The following DNAH11 variants were observed in gnomAD, a reference collection of about 807,000 sequenced individuals.
The protein encoded by DNAH11 is dynein axonemal heavy chain 11.
In DNAH11, 442 loss-of-function variants were observed where a neutral mutation model predicts 526.0. The observed-to-expected ratio is 0.84, with a 90% confidence interval of 0.78 to 0.91. The LOEUF is 0.91. DNAH11 is among the 40% of genes least tolerant of loss of function. The pLI, the probability that DNAH11 is intolerant of heterozygous loss-of-function variation, is 0.00. For synonymous variants in DNAH11, 2,461 were observed against 1,935.9 expected (o/e 1.27, Z -7.12); for missense variants, 6,989 against 5,448.7 (o/e 1.28, Z -8.90).
intron 54 of DNAH11, 119 bp downstream of exon 54, chr7:21,750,483 T>G (rs971006043): frequency 7.3e-7 from 1 of 1,366,176 alleles, no homozygotes; most frequent in Non-Finnish European, 1.0e-6. Context: ...AAAGGACGTG[T>G]GCATTTTTAC....
intron 63 of DNAH11, among the ~76,000 whole-genome samples, chr7:21,815,748 T>C (rs371863082): frequency 9.0e-4 from 137 of 152,338 alleles, no homozygotes; most frequent in African/African-American, 3.2e-3. Flanking sequence ...AGTGAACATA[T>C]ACATTCTTTA....
intron 9 of DNAH11, among the ~76,000 whole-genome samples, chr7:21,585,624 G>A (rs1016259674): frequency 6.6e-6 from 1 of 152,168 alleles, no homozygotes. Context: ...AAATTTACAT[G>A]AAGGTAAACC....
At chr7:21,819,092 C>G (rs1002329542) in intron 65 of DNAH11, among the ~76,000 whole-genome samples, 2 of 152,152 alleles carry the variant, frequency 1.3e-5, no homozygotes, top group Non-Finnish European at 2.9e-5. Context: ...AACTGGCACT[C>G]AAGAGACTCC....
At chr7:21,765,394 C>T (rs781424760) in intron 54 of DNAH11, 34 bp from the exon 55 acceptor site, 13 of 1,612,676 alleles carry the variant, frequency 8.1e-6, no homozygotes, top group South Asian at 2.2e-5. Context: ...ATTCATCACC[C>T]GCCTGTTTCT....
At chr7:21,627,255 G>T (rs139046130) in intron 25 of DNAH11, among the ~76,000 whole-genome samples, 2 of 152,076 alleles carry the variant, frequency 1.3e-5, no homozygotes, top group Admixed American at 1.3e-4. Flanking sequence ...TTCTATTGCT[G>T]TGCAGAAGCA....
At chr7:21,671,322 C>T (rs141474235) in intron 30 of DNAH11, among the ~76,000 whole-genome samples, 3 of 152,300 alleles carry the variant, frequency 2.0e-5, no homozygotes, top group East Asian at 1.9e-4. Flanking sequence ...TTTCACATCA[C>T]GATGGCAGAG....
chr7:21,734,810 A>G lies in DNAH11; in HGVS notation c.7441-830A>G, dbSNP rs143375505. 7.9e-5 allele frequency among the ~76,000 whole-genome samples: 12 copies of G among 152,114 alleles called. No homozygotes were observed. The East Asian group carries it at 2.1e-3, about 27-fold the overall frequency. ...GAAGTCAAGGCTGCAGTTAGCCATCATCACGCCACTGCACTCCAGCCTGGG... is the reference window on the plus strand; with the variant it reads ...GAAGTCAAGGCTGCAGTTAGCCATCGTCACGCCACTGCACTCCAGCCTGGG... On this transcript the variant is annotated intron_variant, in intron 45 of 81. Transcript: ENST00000409508.
At position 21,606,509 on chromosome 7, in the gene DNAH11, C is replaced by T. The variant is rs1018800661; in HGVS notation, c.3732C>T (p.Val1244=). 3.1e-6 allele frequency: 5 copies of T among 1,610,900 alleles called. No individual in the cohort carries two copies. In the Admixed American group the frequency reaches 8.4e-5, roughly 27 times the overall value. Residue 1244 remains valine, a synonymous_variant, in exon 19 of 82, where the codon GTC becomes GTT. Transcript: ENST00000409508. ...HEVSPLHNAE[V]TLIRKKCILF... is the part of the protein sequence containing the mutation. ...TCTCACCTCTCCATAATGCGGAAGTCACTCTTATAAGGAAAAAATGTATTT... is the reference window on the plus strand; with the variant it reads ...TCTCACCTCTCCATAATGCGGAAGTTACTCTTATAAGGAAAAAATGTATTT...
rs769712831 is a variant in DNAH11 at position 21,564,384 on chromosome 7, T to C, written c.1181T>C (p.Leu394Pro). The C allele has an allele frequency of 1.2e-6, 2 of 1,612,020 alleles. No individual in the cohort carries two copies. Among genetic ancestry groups the C allele is most frequent in the South Asian group, 2.2e-5 (2 of 90,950 alleles). ...VIVLLQEFCN[L>P]FINQATAYLS... ...GTTTTATTGCAAGAGTTTTGTAATC[T>C]CTTCATTAACCAGGTATGAAGCATC... Residue 394 changes from leucine (L) to proline (P), a missense_variant, in exon 6 of 82, where the codon CTC (leucine) becomes CCC (proline). Physicochemically the swap from Leu to Pro is moderately conservative, Grantham distance 98. Transcript: ENST00000409508.
At chr7:21,644,786 T>A (rs912945763) in intron 28 of DNAH11, among the ~76,000 whole-genome samples, 10 of 152,214 alleles carry the variant, frequency 6.6e-5, no homozygotes, top group Admixed American at 6.5e-4. Context: ...TGTAATATTT[T>A]AAATGGATAC....
Position 21,842,634 on chromosome 7 carries a change from G to A in DNAH11, c.10782G>A (p.Pro3594=), listed in dbSNP as rs72657400. 1.0e-3 allele frequency: 1,611 copies of A among 1,613,890 alleles called. No homozygotes were observed. The highest frequency in any genetic ancestry group is 5.4e-3 in the African/African-American group (405 of 75,032). ...AATTGGCAAATCCTCACTATAAGCC[G>A]GAATTACAAGCTCAGACAACTCTCC... ...HTKLANPHYK[P]ELQAQTTLLN... Residue 3594 remains proline, a synonymous_variant, in exon 66 of 82, where the codon CCG becomes CCA. Coordinates refer to ENST00000409508, the MANE Select transcript of DNAH11 (RefSeq NM_001277115.2).
chr7:21,595,260 AG>A (rs1426333841), intron 14 of DNAH11, among the ~76,000 whole-genome samples: 2 of 152,176 alleles, frequency 1.3e-5, no homozygotes, highest in Non-Finnish European at 2.9e-5. Flanking sequence ...TCATTCATGA[AG>A]GCTCTGCCCT....
chr7:21,550,039 C>A (rs1162434054), intron 2 of DNAH11, among the ~76,000 whole-genome samples: 2 of 152,180 alleles, frequency 1.3e-5, no homozygotes, highest in African/African-American at 4.8e-5. Context: ...TATTAACTTC[C>A]AAAATGGAGC....
rs1018032062 is a variant in DNAH11 at position 21,619,366 on chromosome 7, G to A, written c.4377+144G>A. ...GTTCCCTGCTGTTCATTAGGTGTGG[G>A]ATGAGCAGGAACTAGAATCATTCTA... On this transcript the variant is annotated intron_variant, in intron 24 of 81. Coordinates refer to ENST00000409508, the MANE Select transcript of DNAH11 (RefSeq NM_001277115.2). 3 of 895,856 alleles carry A rather than the reference G, an allele frequency of 3.3e-6. No individual in the cohort carries two copies. In the African/African-American group the frequency reaches 5.1e-5, roughly 15 times the overall value. The allele number at this position is 895,856 out of a possible 1,614,324, so 55.5% of individuals were successfully genotyped here.
Position 21,599,873 on chromosome 7 carries a change from C to G in DNAH11, c.2754C>G (p.Gly918=). The G allele has an allele frequency of 2.5e-6, 4 of 1,610,794 alleles. No individual in the cohort carries two copies. The highest frequency in any genetic ancestry group is 3.4e-6 in the Non-Finnish European group (4 of 1,177,848). Residue 918 remains glycine, a synonymous_variant, in exon 15 of 82, where the codon GGC becomes GGG. Coordinates refer to ENST00000409508, the MANE Select transcript of DNAH11 (RefSeq NM_001277115.2). Reference sequence around the variant, plus strand: ...TCATTGACGACATTGTGGTGGAAGGCTTTTTTCAGGCTATAATGCACGACT... The same window carrying G: ...TCATTGACGACATTGTGGTGGAAGGGTTTTTTCAGGCTATAATGCACGACT... ...VEFIDDIVVE[G]FFQAIMHDLD...
intron 30 of DNAH11, among the ~76,000 whole-genome samples, chr7:21,669,900 T>G (rs754324157): frequency 5.3e-5 from 8 of 152,142 alleles, no homozygotes; most frequent in Non-Finnish European, 2.9e-5. Context: ...TTTTTCTGCC[T>G]TCATGCCAAA....
intron 34 of DNAH11, among the ~76,000 whole-genome samples, chr7:21,690,264 T>C (rs1783558207): frequency 6.6e-6 from 1 of 152,198 alleles, no homozygotes; most frequent in Admixed American, 6.5e-5. Context: ...CCAGAGCTAT[T>C]GTACCTCTCA....
rs1170505289 is a variant in DNAH11 at position 21,749,169 on chromosome 7, C to A, written c.8673+427C>A. 2.6e-5 allele frequency among the ~76,000 whole-genome samples: 4 copies of A among 152,142 alleles called. 1 individual carries two copies. The East Asian group carries it at 7.7e-4, about 29-fold the overall frequency. On this transcript the variant is annotated intron_variant, in intron 52 of 81. Transcript: ENST00000409508. Reference sequence around the variant, plus strand: ...AGAAGAAGATGCAAGAGGAATAACACGTTTAGGAAACTCTCGTGTGTTTTT... The same window carrying A: ...AGAAGAAGATGCAAGAGGAATAACAAGTTTAGGAAACTCTCGTGTGTTTTT...
Position 21,679,181 on chromosome 7 carries a change from T to TA in DNAH11, c.5329-2354dup, listed in dbSNP as rs964892207. On this transcript the variant is annotated intron_variant, in intron 30 of 81. Coordinates refer to ENST00000409508, the MANE Select transcript of DNAH11 (RefSeq NM_001277115.2). The stretch of plus-strand genomic sequence containing the variant: ...TGCATAATCTCACTTATAAGTGGAT[T>TA]AAAAAAAAAAAGTCTAACACATAGT... Among the ~76,000 whole-genome samples the TA allele has an allele frequency of 8.2e-4, 120 of 146,616 alleles. 1 individual carries two copies. The highest frequency in any genetic ancestry group is 2.4e-3 in the African/African-American group (95 of 40,162).
Sources: allele counts gnomAD v4.1 joint callset (sites outside exome capture counted in the v4.1 genomes callset), GRCh38; gene constraint gnomAD v4.1.1; transcripts MANE v1.5; gene names NCBI Gene and HGNC (gene_info 2026-07-23, HGNC 2026-07-21).